LDB2: variants seen among roughly 807,000 people sequenced by gnomAD.
LDB2 encodes LIM domain binding 2, also known as LIM domain-binding protein 2.
Under a neutral mutation model 44.3 loss-of-function variants are expected in LDB2, and 12 were observed. The observed-to-expected ratio is 0.27, with a 90% CI of 0.17 to 0.44. LDB2 has a LOEUF of 0.44. LDB2 is among the 20% of genes least tolerant of loss of function. The pLI, the probability that LDB2 is intolerant of heterozygous loss-of-function variation, is 1.00. For missense variants in LDB2, 344 were observed against 473.5 expected, an observed-to-expected ratio of 0.73 and a Z score of 2.54; for synonymous variants, 164 against 174.8, an observed-to-expected ratio of 0.94 and a Z score of 0.49.
At chr4:16,631,808 C>A (rs1195948820) in intron 2 of LDB2, among the ~76,000 whole-genome samples, 1 of 152,178 alleles carries the variant, frequency 6.6e-6, no homozygotes, top group Admixed American at 6.5e-5. Context: ...CTACAAACAC[C>A]TCTACGCAAA....
rs1162828316 is a variant in LDB2 at position 16,563,218 on chromosome 4, A to C, written c.615+22704T>G. 2.6e-5 allele frequency among the ~76,000 whole-genome samples: 4 copies of C among 151,750 alleles called. No individual in the cohort carries two copies. In the East Asian group the frequency reaches 7.7e-4, roughly 29 times the overall value. On this transcript the variant is annotated intron_variant, in intron 5 of 7. Coordinates refer to ENST00000304523, the MANE Select transcript of LDB2 (RefSeq NM_001290.5). ...GTACCCTAAAACTTAAAGTATAATA[A>C]TAATAATAATAAAAAGACATTATTT...
intron 1 of LDB2, among the ~76,000 whole-genome samples, chr4:16,830,677 A>G (rs1247443356): frequency 6.6e-6 from 1 of 152,230 alleles, no homozygotes; most frequent in African/African-American, 2.4e-5. Context: ...AACTGCAATG[A>G]TCAGCAAAAA....
At chr4:16,760,059 G>A (rs1378524126) in intron 1 of LDB2, among the ~76,000 whole-genome samples, 1 of 152,144 alleles carries the variant, frequency 6.6e-6, no homozygotes, top group African/African-American at 2.4e-5. Context: ...AATTAAGAAG[G>A]TTATACAGAG....
chr4:16,728,876 G>A lies in LDB2; in HGVS notation c.235+30282C>T, dbSNP rs1012095644. Reference sequence around the variant, plus strand: ...CTAAAAATAAAATAGAGCAGTAAAAGTTTCTAAAATGAGGCTCCACAAGAC... The same window carrying A: ...CTAAAAATAAAATAGAGCAGTAAAAATTTCTAAAATGAGGCTCCACAAGAC... On this transcript the variant is annotated intron_variant, in intron 2 of 7. Coordinates refer to ENST00000304523, the MANE Select transcript of LDB2 (RefSeq NM_001290.5). 2.7e-4 allele frequency among the ~76,000 whole-genome samples: 41 copies of A among 152,302 alleles called. 1 individual carries two copies. The highest frequency in any genetic ancestry group is 8.9e-4 in the African/African-American group (37 of 41,580).
At chr4:16,655,321 G>A (rs1486867099) in intron 2 of LDB2, among the ~76,000 whole-genome samples, 1 of 152,140 alleles carries the variant, frequency 6.6e-6, no homozygotes, top group Non-Finnish European at 1.5e-5. Flanking sequence ...ATGCTTCAAA[G>A]CACTACCCAA....
chr4:16,634,521 C>T (rs566474411), intron 2 of LDB2, among the ~76,000 whole-genome samples: 49 of 152,258 alleles, frequency 3.2e-4, no homozygotes, highest in Admixed American at 1.8e-3. Context: ...GACATTTATG[C>T]AGCCAACAGA....
intron 1 of LDB2, among the ~76,000 whole-genome samples, chr4:16,830,254 C>T (rs1783822264): frequency 1.3e-5 from 2 of 152,116 alleles, no homozygotes; most frequent in African/African-American, 2.4e-5. Flanking sequence ...TTGGATCATG[C>T]GGGTGGTTTC....
chr4:16,749,499 A>C (rs184016549), intron 2 of LDB2, among the ~76,000 whole-genome samples: 11 of 147,916 alleles, frequency 7.4e-5, no homozygotes, highest in African/African-American at 2.7e-4. Context: ...TGGAGGTTGC[A>C]GTGGAGCCGA....
intron 1 of LDB2, among the ~76,000 whole-genome samples, chr4:16,787,465 T>A (rs1451817851): frequency 4.6e-5 from 7 of 152,050 alleles, no homozygotes; most frequent in African/African-American, 1.4e-4. Flanking sequence ...ATACAAAAAA[T>A]TCGCCAGGCG....
intron 3 of LDB2, among the ~76,000 whole-genome samples, chr4:16,593,925 A>T (rs886076161): frequency 2.0e-5 from 3 of 152,200 alleles, no homozygotes; most frequent in Non-Finnish European, 4.4e-5. Context: ...TCAGCACTAA[A>T]CTTTCAGAGC....
rs559119712 is a variant in LDB2 at position 16,891,304 on chromosome 4, C to CTT, written c.132+7048_132+7049dup. 8.0e-4 allele frequency among the ~76,000 whole-genome samples: 62 copies of CTT among 77,552 alleles called. 1 individual carries two copies. Among genetic ancestry groups the CTT allele is most frequent in the South Asian group, 4.2e-3 (9 of 2,154 alleles). 50.9% of individuals were successfully genotyped at this position (77,552 alleles called of 152,430 possible). A position where few individuals can be genotyped will look rare whatever the true frequency, so the allele number is the denominator to read the frequency against. ...AGATAAAGTGGGAATCTTAAGTATT[C>CTT]TTTTTTTTTTTTTTTTTTTTTTTTT... On this transcript the variant is annotated intron_variant, in intron 1 of 7. Transcript: ENST00000304523.
intron 5 of LDB2, among the ~76,000 whole-genome samples, chr4:16,529,210 C>T (rs1225761400): frequency 6.6e-6 from 1 of 152,122 alleles, no homozygotes; most frequent in Non-Finnish European, 1.5e-5. Flanking sequence ...TAGATTTGTC[C>T]TCCTTGAACT....
chr4:16,584,575 G>A (rs1716034522), intron 5 of LDB2, among the ~76,000 whole-genome samples: 1 of 152,220 alleles, frequency 6.6e-6, no homozygotes, highest in Non-Finnish European at 1.5e-5. Flanking sequence ...AAGATACATG[G>A]CAAAGAACCT....
chr4:16,869,333 G>C (rs545522262), intron 1 of LDB2, among the ~76,000 whole-genome samples: 2 of 151,264 alleles, frequency 1.3e-5, no homozygotes, highest in Non-Finnish European at 2.9e-5. Flanking sequence ...AGAAATGCTC[G>C]AAGTTTTGGG....
intron 2 of LDB2, among the ~76,000 whole-genome samples, chr4:16,606,623 G>T (rs139743182): frequency 4.1e-4 from 62 of 152,298 alleles, no homozygotes; most frequent in Non-Finnish European, 7.8e-4. Context: ...AGCTCATGTG[G>T]TTATTGCTCC....
intron 1 of LDB2, among the ~76,000 whole-genome samples, chr4:16,859,791 G>C (rs1193175761): frequency 6.6e-6 from 1 of 152,162 alleles, no homozygotes; most frequent in Non-Finnish European, 1.5e-5. Context: ...TTGACAATCT[G>C]CTATGTGCCA....
At chr4:16,741,803 C>CTAAAATTCATTAATAATTCATTAATTCAT (rs1763307255) in intron 2 of LDB2, among the ~76,000 whole-genome samples, 1 of 152,168 alleles carries the variant, frequency 6.6e-6, no homozygotes, top group African/African-American at 2.4e-5. Flanking sequence ...CTTATCAAAA[C>CTAAAATTCATTAATAATTCATTAATTCAT]TAAAATTCAT....
intron 3 of LDB2, 129 bp from the exon 4 acceptor site, chr4:16,588,961 A>T: frequency 1.1e-6 from 1 of 923,444 alleles, no homozygotes; most frequent in Non-Finnish European, 1.7e-6. Context: ...TAAAGATGTG[A>T]CACGAGTGAT....
At chr4:16,683,415 G>A (rs1748442523) in intron 2 of LDB2, among the ~76,000 whole-genome samples, 1 of 152,128 alleles carries the variant, frequency 6.6e-6, no homozygotes, top group Non-Finnish European at 1.5e-5. Context: ...GCAACCTAGA[G>A]CTAGTGCTAC....
Sources: gnomAD v4.1 joint callset for allele counts (sites outside exome capture counted in the v4.1 genomes callset) on GRCh38, gnomAD v4.1.1 for gene constraint, MANE v1.5 for transcripts, NCBI Gene and HGNC (gene_info 2026-07-23, HGNC 2026-07-21) for gene names.